The following NELL2 variants were observed in gnomAD, a reference collection of about 807,000 sequenced individuals.
The protein encoded by NELL2 is neural EGFL like 2.
NELL2 carries 41 observed loss-of-function variants against 109.6 expected under a neutral mutation model. That is an observed-to-expected ratio of 0.37 (90% CI 0.29 to 0.49). The LOEUF (loss-of-function observed/expected upper bound fraction) is 0.49, where lower values mean the gene tolerates loss of function less well. Among genes scored for constraint, NELL2 ranks in the 20% least tolerant of loss-of-function variants. The probability of loss-of-function intolerance (pLI) is 0.98; values close to 1 mark genes in which losing one functional copy is unlikely to be tolerated. For missense variants in NELL2, 900 were observed against 1,008.3 expected (o/e 0.89, Z 1.45); for synonymous variants, 355 against 344.7 (o/e 1.03, Z -0.33).
chr12:44,690,055 T>C (rs1948852355), intron 12 of NELL2, among the ~76,000 whole-genome samples: 1 of 152,184 alleles, frequency 6.6e-6, no homozygotes, highest in Non-Finnish European at 1.5e-5. Flanking sequence ...AAAATAGTCC[T>C]TCTCCCACTT....
At chr12:44,852,049 G>T (rs1337084625) in intron 2 of NELL2, among the ~76,000 whole-genome samples, 1 of 151,884 alleles carries the variant, frequency 6.6e-6, no homozygotes, top group African/African-American at 2.4e-5. Flanking sequence ...ACCTTCTATT[G>T]TTCCCTCTTG....
At chr12:44,761,324 C>A (rs185668783) in intron 9 of NELL2, among the ~76,000 whole-genome samples, 3 of 152,064 alleles carry the variant, frequency 2.0e-5, no homozygotes, top group Admixed American at 2.0e-4. Context: ...GCCAAGATTG[C>A]GCCACTGCAC....
rs376964212 is a variant in NELL2 at position 44,887,426 on chromosome 12, A to G, written c.39-11526T>C. On this transcript the variant is annotated intron_variant, in intron 1 of 20. Transcript: ENST00000333837. ...GTTCCCCTTTCTCCATATCCTCACT[A>G]GCATCCATTATTGCCTGTCTTTTTT... Among the ~76,000 whole-genome samples, 73 of 152,020 alleles carry G rather than the reference A, an allele frequency of 4.8e-4. 2 individuals carry two copies. Among genetic ancestry groups the G allele is most frequent in the African/African-American group, 1.7e-3 (72 of 41,350 alleles).
chr12:44,645,317 T>C (rs1230928274), intron 13 of NELL2, among the ~76,000 whole-genome samples: 2 of 152,198 alleles, frequency 1.3e-5, no homozygotes, highest in Non-Finnish European at 2.9e-5. Context: ...CAGAACATAC[T>C]GGAGATAGCA....
At chr12:44,683,791 G>C (rs2136377821) in intron 12 of NELL2, among the ~76,000 whole-genome samples, 1 of 152,318 alleles carries the variant, frequency 6.6e-6, no homozygotes, top group Admixed American at 6.5e-5. Flanking sequence ...TGGTGGATAA[G>C]CTTTTTGATG....
Position 44,876,117 on chromosome 12 carries a change from C to T in NELL2, c.-248G>A, listed in dbSNP as rs1296755793. The T allele has an allele frequency of 2.3e-6, 3 of 1,316,942 alleles. No homozygotes were observed. The African/African-American group carries it at 4.5e-5, about 20-fold the overall frequency. The allele number at this position is 1,316,942 out of a possible 1,614,324, so 81.6% of individuals were successfully genotyped here. On this transcript the variant is annotated 5_prime_UTR_variant, in exon 1 of 20. Coordinates refer to ENST00000429094, the MANE Select transcript of NELL2 (RefSeq NM_001145108.2). ...CGCAGGGCCGAGGCGGCAGCGCGGC[C>T]CGGAGGGGGCCCGGAGGGAGGGGTC...
At chr12:44,602,545 G>A (rs533634905) in intron 15 of NELL2, among the ~76,000 whole-genome samples, 20 of 152,226 alleles carry the variant, frequency 1.3e-4, no homozygotes, top group African/African-American at 4.6e-4. Context: ...AAAAGCAGAT[G>A]TATCTACAGT....
rs1461808442 is a variant in NELL2, at chr12:44,644,608, G to GTGTGTATATATATA, written c.1444+20875_1444+20876insTATATATATACACA. ...TATATATATATATATATATATGTAT[G>GTGTGTATATATATA]TATATATATATATATATACATACAT... On this transcript the variant is annotated intron_variant, in intron 13 of 19. Coordinates refer to ENST00000429094, the MANE Select transcript of NELL2 (RefSeq NM_001145108.2). Among the ~76,000 whole-genome samples the GTGTGTATATATATA allele has an allele frequency of 4.8e-3, 437 of 90,816 alleles. 7 individuals are homozygous for GTGTGTATATATATA. The highest frequency in any genetic ancestry group is 0.019 in the African/African-American group (415 of 21,694). The allele number at this position is 90,816 out of a possible 152,430, so 59.6% of individuals were successfully genotyped here. A position where few individuals can be genotyped will look rare whatever the true frequency, so the allele number is the denominator to read the frequency against.
chr12:44,626,481 T>C (rs908163202), intron 13 of NELL2, among the ~76,000 whole-genome samples: 8 of 152,208 alleles, frequency 5.3e-5, no homozygotes, highest in Non-Finnish European at 8.8e-5. Context: ...CTGGATTTAT[T>C]TCTTCACAAC....
chr12:44,563,833 G>A (rs1432631549), intron 15 of NELL2, among the ~76,000 whole-genome samples: 1 of 152,184 alleles, frequency 6.6e-6, no homozygotes, highest in Non-Finnish European at 1.5e-5. Flanking sequence ...AAAGGTTAAT[G>A]CCGCAGATAT....
chr12:44,774,992 T>C, intron 8 of NELL2, 143 bp from the exon 9 acceptor site: 1 of 615,558 alleles, frequency 1.6e-6, no homozygotes, highest in Admixed American at 3.0e-5. Context: ...GAGGCGGTGC[T>C]GACAATCACC....
At chr12:44,791,073 A>ATATATATACATATATATATATATG (rs1331453336) in intron 3 of NELL2, among the ~76,000 whole-genome samples, 2 of 7,816 alleles carry the variant, frequency 2.6e-4, no homozygotes, top group African/African-American at 4.5e-4. Context: ...AAGTATATAT[A>ATATATATACATATATATATATATG]TATATATACA....
intron 13 of NELL2, among the ~76,000 whole-genome samples, chr12:44,634,135 T>C (rs1354456220): frequency 6.6e-6 from 1 of 152,126 alleles, no homozygotes; most frequent in Non-Finnish European, 1.5e-5. Context: ...AAAGACATTA[T>C]TTGATGGAAG....
chr12:44,527,005 T>C (rs1163673673), intron 16 of NELL2, among the ~76,000 whole-genome samples: 1 of 152,192 alleles, frequency 6.6e-6, no homozygotes, highest in Non-Finnish European at 1.5e-5. Flanking sequence ...ATTTTCCCTA[T>C]CTCGACTTGG....
At chr12:44,713,999 A>G (rs960456245) in intron 10 of NELL2, among the ~76,000 whole-genome samples, 3 of 151,984 alleles carry the variant, frequency 2.0e-5, no homozygotes, top group African/African-American at 7.2e-5. Context: ...TTCATATAGA[A>G]TAAGGATTTT....
chr12:44,817,532 G>T (rs1323388569), intron 2 of NELL2, among the ~76,000 whole-genome samples: 1 of 152,086 alleles, frequency 6.6e-6, no homozygotes, highest in Admixed American at 6.6e-5. Flanking sequence ...TGAAGGGAAG[G>T]CTCAATAAGT....
At chr12:44,692,499 T>C (rs999297938) in intron 12 of NELL2, among the ~76,000 whole-genome samples, 1 of 152,160 alleles carries the variant, frequency 6.6e-6, no homozygotes, top group Non-Finnish European at 1.5e-5. Context: ...ATTTAGACTT[T>C]CTAGTCTTAT....
At chr12:44,885,853 G>A (rs1283694428) in intron 1 of NELL2, among the ~76,000 whole-genome samples, 2 of 151,552 alleles carry the variant, frequency 1.3e-5, no homozygotes, top group Non-Finnish European at 2.9e-5. Context: ...TAAAATCAGA[G>A]GATTCACAGT....
At chr12:44,779,810 A>C in intron 4 of NELL2, 39 bp downstream of exon 4, 1 of 1,613,308 alleles carries the variant, frequency 6.2e-7, no homozygotes. Context: ...GTCATTTCTT[A>C]GAATCTTCCA....
Sources: allele counts gnomAD v4.1 joint callset (sites outside exome capture counted in the v4.1 genomes callset), GRCh38; gene constraint gnomAD v4.1.1; transcripts MANE v1.5; gene names NCBI Gene and HGNC (gene_info 2026-07-23, HGNC 2026-07-21).